RALB: variants seen among roughly 807,000 people sequenced by gnomAD.
RALB encodes ras-related protein Ral-B.
A neutral mutation model predicts 21.3 loss-of-function variants in RALB; 16 were observed. The observed-to-expected ratio is 0.75, with a 90% CI of 0.51 to 1.14. The LOEUF (loss-of-function observed/expected upper bound fraction) is 1.14. Ranked by LOEUF, RALB falls within the 50% of genes most tolerant of loss-of-function variation. The pLI, the probability that RALB is intolerant of heterozygous loss-of-function variation, is 0.00. For missense variants in RALB, 161 were observed against 256.2 expected, an observed-to-expected ratio of 0.63 and a Z score of 2.54; for synonymous variants, 93 against 96.1, an observed-to-expected ratio of 0.97 and a Z score of 0.19.
intron 1 of RALB, among the ~76,000 whole-genome samples, chr2:120,259,518 A>T (rs1448425659): frequency 4.6e-5 from 7 of 152,230 alleles, no homozygotes; most frequent in Admixed American, 4.6e-4. Flanking sequence ...CCTGAGCTAG[A>T]CGTAAAGACT....
At chr2:120,251,751 G>A (rs1021252220), upstream of RALB, among the ~76,000 whole-genome samples, 1 of 152,198 alleles carries the variant, frequency 6.6e-6, no homozygotes, top group African/African-American at 2.4e-5. Flanking sequence ...ATGTGAATGA[G>A]AATGGTAAAA....
chr2:120,291,413 A>G (rs552089094), intron 4 of RALB, among the ~76,000 whole-genome samples: 1 of 152,286 alleles, frequency 6.6e-6, no homozygotes, highest in South Asian at 2.1e-4. Context: ...CACACAGGAA[A>G]TCCAGAAATA....
intron 4 of RALB, among the ~76,000 whole-genome samples, chr2:120,291,656 C>T (rs1400848561): frequency 6.6e-6 from 1 of 152,208 alleles, no homozygotes; most frequent in Non-Finnish European, 1.5e-5. Context: ...ACTTTGTCAT[C>T]ATTTTAAGTT....
At chr2:120,254,634 T>A (rs1485447067) in intron 1 of RALB, among the ~76,000 whole-genome samples, 1 of 152,172 alleles carries the variant, frequency 6.6e-6, no homozygotes, top group African/African-American at 2.4e-5. Flanking sequence ...GAAGATGGCT[T>A]GAGATTCCAT....
chr2:120,245,760 C>T (rs1425312225), intron 1 of RALB, among the ~76,000 whole-genome samples: 2 of 152,324 alleles, frequency 1.3e-5, no homozygotes, highest in African/African-American at 4.8e-5. Context: ...GAGCCCCTGC[C>T]TCTGGAGCTT....
intron 1 of RALB, among the ~76,000 whole-genome samples, chr2:120,257,239 C>G (rs1432453118): frequency 6.6e-6 from 1 of 152,194 alleles, no homozygotes; most frequent in Non-Finnish European, 1.5e-5. Context: ...GGCAAAGTAG[C>G]TGAAAAATTT....
intron 1 of RALB, among the ~76,000 whole-genome samples, chr2:120,246,868 A>G (rs968129113): frequency 7.7e-5 from 11 of 142,356 alleles, no homozygotes; most frequent in Non-Finnish European, 1.2e-4. Flanking sequence ...AGCCCTTGTG[A>G]TGCTGTCAAG....
At chr2:120,252,790 G>A (rs1286448181), upstream of RALB, 11 of 985,362 alleles carry the variant, frequency 1.1e-5, no homozygotes, top group Non-Finnish European at 1.3e-5. Context: ...GAACGGAAGC[G>A]AGGGCGCGCT....
chr2:120,246,539 C>G (rs1446234678), intron 1 of RALB, among the ~76,000 whole-genome samples: 2 of 152,242 alleles, frequency 1.3e-5, no homozygotes, highest in East Asian at 3.8e-4. Context: ...CTTCCTCCTC[C>G]CCCTTCCTAA....
chr2:120,260,001 G>T (rs1171039908), intron 1 of RALB, among the ~76,000 whole-genome samples: 2 of 152,238 alleles, frequency 1.3e-5, no homozygotes, highest in Non-Finnish European at 2.9e-5. Flanking sequence ...TGGCTGCTAA[G>T]TCCCTCATTG....
chr2:120,288,695 A>C (rs1381131810), intron 3 of RALB, among the ~76,000 whole-genome samples: 1 of 152,202 alleles, frequency 6.6e-6, no homozygotes, highest in Non-Finnish European at 1.5e-5. Context: ...GATAATTTTT[A>C]GTAGACGTAA....
chr2:120,272,957 T>G (rs1689701559), intron 1 of RALB, among the ~76,000 whole-genome samples: 1 of 152,228 alleles, frequency 6.6e-6, no homozygotes. Flanking sequence ...ATGTTTTTGG[T>G]ACAAGAAAAA....
chr2:120,249,616 T>C (rs1689022777), upstream of RALB, among the ~76,000 whole-genome samples: 1 of 152,112 alleles, frequency 6.6e-6, no homozygotes, highest in South Asian at 2.1e-4. Flanking sequence ...AACTCACTCA[T>C]TGCCAAGGAG....
intron 2 of RALB, among the ~76,000 whole-genome samples, chr2:120,284,634 A>T (rs112639553): frequency 0.043 from 6,601 of 152,244 alleles, 498 homozygotes; most frequent in African/African-American, 0.15. Flanking sequence ...TCCTGACCTC[A>T]GGTGATCTGC....
At chr2:120,280,078 T>C (rs1040687734) in intron 2 of RALB, among the ~76,000 whole-genome samples, 2 of 152,194 alleles carry the variant, frequency 1.3e-5, no homozygotes, top group Non-Finnish European at 2.9e-5. Context: ...TGGATCCTGA[T>C]GCGAACCTGT....
chr2:120,283,500 G>T (rs1411292989), intron 2 of RALB, among the ~76,000 whole-genome samples: 1 of 152,148 alleles, frequency 6.6e-6, no homozygotes, highest in African/African-American at 2.4e-5. Flanking sequence ...TTAGATTATG[G>T]AAGGAGCCAT....
At chr2:120,280,516 CAG>C (rs1463778800) in intron 2 of RALB, among the ~76,000 whole-genome samples, 1 of 122,066 alleles carries the variant, frequency 8.2e-6, no homozygotes, top group Non-Finnish European at 1.6e-5. Context: ...CGCATGGACA[CAG>C]GGAGGGGAAC....
chr2:120,276,001 C>A (rs1305837437), intron 1 of RALB, among the ~76,000 whole-genome samples: 1 of 152,170 alleles, frequency 6.6e-6, no homozygotes, highest in Non-Finnish European at 1.5e-5. Flanking sequence ...CCAGTTAGGA[C>A]CAAGTGTGCC....
upstream of RALB, chr2:120,252,722 A>T: frequency 1.0e-6 from 1 of 956,632 alleles, no homozygotes; most frequent in Non-Finnish European, 1.2e-6. Flanking sequence ...TGCTTGGAAA[A>T]TCAGCCTCGG....
Sources: gnomAD v4.1 joint callset for allele counts (sites outside exome capture counted in the v4.1 genomes callset) on GRCh38, gnomAD v4.1.1 for gene constraint, MANE v1.5 for transcripts, NCBI Gene and HGNC (gene_info 2026-07-23, HGNC 2026-07-21) for gene names.